The following EYA2 variants were observed in gnomAD, a reference collection of about 807,000 sequenced individuals.
The protein encoded by EYA2 is protein phosphatase EYA2.
Under a neutral mutation model 69.2 loss-of-function variants are expected in EYA2, and 31 were observed. The observed-to-expected ratio is 0.45, with a 90% CI of 0.34 to 0.60. EYA2 has a LOEUF of 0.60. EYA2 is among the 20% of genes least tolerant of loss of function. The pLI is 0.02. For synonymous variants in EYA2, 257 were observed against 279.4 expected (o/e 0.92, Z 0.80); for missense variants, 622 against 701.2 (o/e 0.89, Z 1.28).
chr20:47,001,446 C>G lies in EYA2; in HGVS notation c.128C>G (p.Pro43Arg). 6.2e-7 allele frequency: 1 copy of G among 1,614,174 alleles called. No individual in the cohort carries two copies. Among genetic ancestry groups the G allele is most frequent in the Non-Finnish European group, 8.5e-7 (1 of 1,180,018 alleles). ...CCTGCAGGCATCACCAAATCGGCCC[C>G]CCTGAGAGTGTCCCAGCTCTTCTCC... is the stretch of plus-strand genomic sequence containing the variant. Reference protein sequence around the residue: ...SDRQGITKSAPLRVSQLFSRS... With the variant: ...SDRQGITKSARLRVSQLFSRS... Residue 43 changes from proline to arginine, a missense_variant, in exon 3 of 16, where the codon CCC (proline) becomes CGC (arginine). Pro to Arg is a moderately radical substitution (Grantham distance 103, BLOSUM62 -2). Around this residue, in one of 2 missense-constraint regions of EYA2, gnomAD observed 365 missense variants for 349.7 expected, o/e 1.04. Coordinates refer to ENST00000327619, the MANE Select transcript of EYA2 (RefSeq NM_005244.5).
At chr20:46,914,660 G>A (rs758962565) in intron 1 of EYA2, among the ~76,000 whole-genome samples, 3 of 152,156 alleles carry the variant, frequency 2.0e-5, no homozygotes, top group Admixed American at 6.5e-5. Flanking sequence ...AACCACCCCC[G>A]TGATTCAATT....
At chr20:47,084,892 G>A (rs1234138970) in intron 7 of EYA2, among the ~76,000 whole-genome samples, 1 of 147,352 alleles carries the variant, frequency 6.8e-6, no homozygotes, top group Non-Finnish European at 1.5e-5. Flanking sequence ...CTGGAGTGCA[G>A]TGGTGTGATC....
chr20:46,911,450 G>C (rs1048733535), intron 1 of EYA2, among the ~76,000 whole-genome samples: 1 of 152,186 alleles, frequency 6.6e-6, no homozygotes, highest in Non-Finnish European at 1.5e-5. Flanking sequence ...GAGGTTATGA[G>C]TTGGCTGATT....
At chr20:46,915,209 G>A (rs1423865727) in intron 1 of EYA2, among the ~76,000 whole-genome samples, 2 of 152,154 alleles carry the variant, frequency 1.3e-5, no homozygotes, top group African/African-American at 4.8e-5. Flanking sequence ...GCCCATTCGG[G>A]GCTGCCACGT....
intron 5 of EYA2, among the ~76,000 whole-genome samples, chr20:47,018,600 C>T (rs923258911): frequency 2.6e-5 from 4 of 152,182 alleles, no homozygotes; most frequent in Non-Finnish European, 4.4e-5. Flanking sequence ...AGAGCTGGGC[C>T]GGGCCGTACA....
chr20:46,947,162 A>G (rs527720817), intron 1 of EYA2, among the ~76,000 whole-genome samples: 2 of 152,316 alleles, frequency 1.3e-5, no homozygotes, highest in South Asian at 4.1e-4. Context: ...CTGGCTGAGA[A>G]GCAGACTTTT....
intron 1 of EYA2, among the ~76,000 whole-genome samples, chr20:46,955,141 T>C (rs902158959): frequency 5.3e-5 from 8 of 150,322 alleles, no homozygotes; most frequent in African/African-American, 1.9e-4. Flanking sequence ...TGCAGTCATT[T>C]TTTTTTTTTT....
At chr20:47,054,053 A>C (rs1193030431) in intron 5 of EYA2, among the ~76,000 whole-genome samples, 2 of 152,194 alleles carry the variant, frequency 1.3e-5, no homozygotes, top group Non-Finnish European at 2.9e-5. Context: ...TAAATTAATT[A>C]ATACAATTAA....
intron 9 of EYA2, chr20:47,117,652 A>T: frequency 1.0e-6 from 1 of 985,372 alleles, no homozygotes; most frequent in South Asian, 4.7e-5. Flanking sequence ...AATAAAAAGA[A>T]AAAGAAAAAG....
intron 10 of EYA2, among the ~76,000 whole-genome samples, chr20:47,158,745 C>A: frequency 6.6e-6 from 1 of 151,848 alleles, no homozygotes; most frequent in South Asian, 2.1e-4. Flanking sequence ...CTCAGGAAAA[C>A]CCAAAGTGAT....
chr20:46,898,612 G>A (rs775226379), intron 1 of EYA2, among the ~76,000 whole-genome samples: 24 of 152,294 alleles, frequency 1.6e-4, no homozygotes, highest in Non-Finnish European at 2.4e-4. Flanking sequence ...ACAATGCTTC[G>A]TTTTCACTGT....
At chr20:47,178,809 G>A (rs796758092) in intron 12 of EYA2, among the ~76,000 whole-genome samples, 1,784 of 104,536 alleles carry the variant, frequency 0.017, 48 homozygotes, top group East Asian at 0.16. Context: ...GGGTAGATGG[G>A]TGGATGGGTG....
At chr20:47,186,654 C>G (rs764532120) in intron 15 of EYA2, among the ~76,000 whole-genome samples, 1 of 152,106 alleles carries the variant, frequency 6.6e-6, no homozygotes, top group African/African-American at 2.4e-5. Context: ...CCACCACGCC[C>G]GGCCTCCTCA....
chr20:47,157,440 C>A (rs895815757), intron 10 of EYA2, among the ~76,000 whole-genome samples: 4 of 149,606 alleles, frequency 2.7e-5, no homozygotes, highest in Non-Finnish European at 4.4e-5. Context: ...CATTTACAGT[C>A]CTAAATGACA....
chr20:46,966,656 A>T (rs1424688926), intron 1 of EYA2, among the ~76,000 whole-genome samples: 4 of 152,074 alleles, frequency 2.6e-5, no homozygotes, highest in Non-Finnish European at 5.9e-5. Flanking sequence ...AAAATACAAA[A>T]AAAATTAGCC....
chr20:46,943,067 G>C (rs1226043899), intron 1 of EYA2, among the ~76,000 whole-genome samples: 2 of 152,194 alleles, frequency 1.3e-5, no homozygotes, highest in African/African-American at 4.8e-5. Flanking sequence ...CTCCCGGCTG[G>C]TTCTCTGAAT....
At chr20:46,969,061 G>A (rs1368219901) in intron 1 of EYA2, among the ~76,000 whole-genome samples, 5 of 148,096 alleles carry the variant, frequency 3.4e-5, no homozygotes, top group Admixed American at 2.0e-4. Context: ...CAGCTAACAG[G>A]AACTGCTAGC....
chr20:47,032,699 C>T (rs142903628), intron 5 of EYA2, among the ~76,000 whole-genome samples: 4 of 152,276 alleles, frequency 2.6e-5, no homozygotes, highest in Admixed American at 2.6e-4. Flanking sequence ...TGAATCTCCG[C>T]CTCTGCACTC....
intron 5 of EYA2, among the ~76,000 whole-genome samples, chr20:47,065,576 A>C (rs533767082): frequency 6.6e-6 from 1 of 152,358 alleles, no homozygotes; most frequent in East Asian, 1.9e-4. Context: ...ATGAAGTTTA[A>C]AGCAATTTAA....
Sources: allele counts gnomAD v4.1 joint callset (sites outside exome capture counted in the v4.1 genomes callset), GRCh38; gene constraint gnomAD v4.1.1; regional missense constraint gnomAD v4.1.1; transcripts MANE v1.5; gene names NCBI Gene and HGNC (gene_info 2026-07-23, HGNC 2026-07-21).